The following CCDC178 variants were observed in gnomAD, a reference collection of about 807,000 sequenced individuals.
CCDC178 encodes the protein coiled-coil domain containing 178.
A neutral mutation model predicts 117.4 loss-of-function variants in CCDC178; 126 were observed. That is an observed-to-expected ratio of 1.07 (90% CI 0.93 to 1.24). CCDC178 has a LOEUF of 1.24. CCDC178 is among the 50% of genes most tolerant of loss of function. CCDC178 has a pLI of 0.00. For missense variants in CCDC178, 1,030 were observed against 986.9 expected (o/e 1.04, Z -0.59); for synonymous variants, 283 against 313.4 (o/e 0.90, Z 1.02).
intron 21 of CCDC178, among the ~76,000 whole-genome samples, chr18:33,046,196 C>T (rs1010905941): frequency 6.6e-6 from 1 of 152,116 alleles, no homozygotes; most frequent in African/African-American, 2.4e-5. Context: ...AGCTGATTGC[C>T]AAAAGAATGA....
At chr18:33,358,339 A>T (rs907773027) in intron 6 of CCDC178, among the ~76,000 whole-genome samples, 3 of 151,934 alleles carry the variant, frequency 2.0e-5, no homozygotes, top group Non-Finnish European at 4.4e-5. Context: ...CTGCATCAAG[A>T]ATACCCGAAG....
intron 20 of CCDC178, among the ~76,000 whole-genome samples, chr18:33,202,070 G>A (rs1341917379): frequency 6.6e-6 from 1 of 152,016 alleles, no homozygotes; most frequent in Non-Finnish European, 1.5e-5. Context: ...ACCTCTGCAA[G>A]GTGAATTACT....
intron 21 of CCDC178, among the ~76,000 whole-genome samples, chr18:33,077,792 C>T (rs1427728203): frequency 2.6e-5 from 4 of 152,048 alleles, no homozygotes; most frequent in Non-Finnish European, 5.9e-5. Flanking sequence ...TAATAAATAG[C>T]CTACCAATCA....
chr18:33,327,429 GT>G (rs1210367767), intron 10 of CCDC178, among the ~76,000 whole-genome samples: 9 of 151,822 alleles, frequency 5.9e-5, no homozygotes, highest in Admixed American at 1.3e-4. Context: ...TTTTCTTTTT[GT>G]TTTTTTAGTC....
At chr18:33,079,991 C>G (rs1317971482) in intron 21 of CCDC178, among the ~76,000 whole-genome samples, 1 of 152,170 alleles carries the variant, frequency 6.6e-6, no homozygotes, top group Non-Finnish European at 1.5e-5. Flanking sequence ...CTCATTGCAG[C>G]ACTCTTCACA....
At chr18:33,063,610 C>A (rs2056965391) in intron 21 of CCDC178, among the ~76,000 whole-genome samples, 1 of 152,162 alleles carries the variant, frequency 6.6e-6, no homozygotes, top group Admixed American at 6.5e-5. Flanking sequence ...ACTATAACTA[C>A]CACTACACAC....
chr18:33,079,181 A>AC (rs2057259223), intron 21 of CCDC178, among the ~76,000 whole-genome samples: 1 of 152,066 alleles, frequency 6.6e-6, no homozygotes, highest in African/African-American at 2.4e-5. Flanking sequence ...TGCAGAAAGG[A>AC]CCCCCTATTC....
At chr18:33,317,702 T>C (rs540269381) in intron 11 of CCDC178, among the ~76,000 whole-genome samples, 3 of 152,214 alleles carry the variant, frequency 2.0e-5, no homozygotes, top group East Asian at 1.9e-4. Context: ...CTCAGCACCA[T>C]TCAAGAATGA....
At chr18:33,008,915 C>T (rs2055804921) in intron 21 of CCDC178, among the ~76,000 whole-genome samples, 1 of 152,106 alleles carries the variant, frequency 6.6e-6, no homozygotes, top group Non-Finnish European at 1.5e-5. Flanking sequence ...ACCTGAATGT[C>T]TTAAATCCAT....
intron 22 of CCDC178, among the ~76,000 whole-genome samples, chr18:32,940,841 A>G (rs1341050259): frequency 6.6e-6 from 1 of 152,156 alleles, no homozygotes; most frequent in Admixed American, 6.6e-5. Context: ...AAATGAAATC[A>G]GAATCAACCT....
intron 21 of CCDC178, among the ~76,000 whole-genome samples, chr18:33,084,578 C>T (rs554670707): frequency 2.2e-4 from 33 of 151,930 alleles, no homozygotes; most frequent in African/African-American, 6.5e-4. Context: ...TTTGAGGGGC[C>T]GAGGCAGGCA....
At chr18:33,353,063 T>C (rs926072052) in intron 7 of CCDC178, among the ~76,000 whole-genome samples, 2 of 152,092 alleles carry the variant, frequency 1.3e-5, no homozygotes, top group African/African-American at 2.4e-5. Context: ...ATTCTGTTAG[T>C]TTATATGTCT....
chr18:33,182,944 T>C (rs2058747603), intron 20 of CCDC178, among the ~76,000 whole-genome samples: 1 of 152,028 alleles, frequency 6.6e-6, no homozygotes, highest in African/African-American at 2.4e-5. Flanking sequence ...ATAGGCTATA[T>C]GAATCTCAGT....
At chr18:33,350,572 A>G (rs2062961453) in intron 7 of CCDC178, among the ~76,000 whole-genome samples, 2 of 152,228 alleles carry the variant, frequency 1.3e-5, no homozygotes, top group African/African-American at 4.8e-5. Flanking sequence ...AATAGTTTCA[A>G]GATTTCTCCA....
intron 5 of CCDC178, among the ~76,000 whole-genome samples, chr18:33,374,237 C>T (rs2063336172): frequency 6.6e-6 from 1 of 152,168 alleles, no homozygotes; most frequent in South Asian, 2.1e-4. Flanking sequence ...GCCCCTCTGA[C>T]ATATGGCATA....
chr18:33,295,813 C>T (rs2062099470), intron 11 of CCDC178, among the ~76,000 whole-genome samples: 1 of 152,132 alleles, frequency 6.6e-6, no homozygotes, highest in Non-Finnish European at 1.5e-5. Flanking sequence ...AACTGGATCT[C>T]TCATACATTG....
At chr18:33,382,500 T>C (rs548373409) in intron 5 of CCDC178, among the ~76,000 whole-genome samples, 3 of 152,138 alleles carry the variant, frequency 2.0e-5, no homozygotes, top group African/African-American at 7.2e-5. Context: ...GTTCATCTCA[T>C]CGTGACTGAC....
At chr18:33,129,710 G>A (rs1598913189) in intron 20 of CCDC178, among the ~76,000 whole-genome samples, 1 of 151,736 alleles carries the variant, frequency 6.6e-6, no homozygotes, top group East Asian at 1.9e-4. Flanking sequence ...CTTATATACT[G>A]GTTTTCTGCA....
At chr18:33,026,398 T>C (rs1459315193) in intron 21 of CCDC178, among the ~76,000 whole-genome samples, 1 of 152,090 alleles carries the variant, frequency 6.6e-6, no homozygotes, top group Non-Finnish European at 1.5e-5. Context: ...CATTATCTCT[T>C]ACATTGGCAT....
Sources: gnomAD v4.1 joint callset for allele counts (sites outside exome capture counted in the v4.1 genomes callset) on GRCh38, gnomAD v4.1.1 for gene constraint, MANE v1.5 for transcripts, NCBI Gene and HGNC (gene_info 2026-07-23, HGNC 2026-07-21) for gene names.